The following SGCD variants were observed in gnomAD, a reference collection of about 807,000 sequenced individuals.
SGCD encodes sarcoglycan delta, also known as delta-sarcoglycan.
In SGCD, 18 loss-of-function variants were observed where a neutral mutation model predicts 36.6. The ratio of observed to expected loss-of-function variants is 0.49; its 90% CI spans 0.34 to 0.73. The LOEUF is 0.73. Ranked by LOEUF, SGCD falls within the 30% of genes least tolerant of loss-of-function variation. SGCD has a pLI of 0.01. For synonymous variants in SGCD, 133 were observed against 130.6 expected (o/e 1.02, Z -0.12); for missense variants, 387 against 346.7 (o/e 1.12, Z -0.92).
chr5:156,009,028 C>A lies in SGCD; in HGVS notation c.-281-108850C>A, dbSNP rs148092571. On this transcript the variant is annotated intron_variant, in intron 1 of 9. Coordinates refer to the SGCD transcript ENST00000517913. ...GGAATGGGGGCAGGTGTGAGACCAG[C>A]CTGAAATTCTCATGGTTATTTGATC... is the stretch of plus-strand genomic sequence containing the variant. 2.9e-3 allele frequency among the ~76,000 whole-genome samples: 439 copies of A among 152,168 alleles called. 3 individuals are homozygous for A. The highest frequency in any genetic ancestry group is 0.01 in the African/African-American group (423 of 41,510).
intron 3 of SGCD, among the ~76,000 whole-genome samples, chr5:156,231,101 G>A (rs773881942): frequency 1.2e-4 from 18 of 152,142 alleles, no homozygotes; most frequent in Non-Finnish European, 2.2e-4. Context: ...AATATGTGAC[G>A]CCACCATAAA....
chr5:156,512,946 T>C (rs942453411), intron 4 of SGCD, among the ~76,000 whole-genome samples: 14 of 151,990 alleles, frequency 9.2e-5, no homozygotes, highest in African/African-American at 3.4e-4. Flanking sequence ...TTTCCTGCAA[T>C]GGGGCTATGT....
At chr5:156,113,522 C>T (rs1761839856) in intron 1 of SGCD, among the ~76,000 whole-genome samples, 1 of 152,108 alleles carries the variant, frequency 6.6e-6, no homozygotes, top group Non-Finnish European at 1.5e-5. Flanking sequence ...GGATTAATAT[C>T]GTTTGTGTGT....
the SGCD span, among the ~76,000 whole-genome samples, chr5:155,733,754 G>A: frequency 6.6e-6 from 1 of 152,054 alleles, no homozygotes; most frequent in African/African-American, 2.4e-5. Context: ...CAGACAACTA[G>A]GGGTCAAGGC....
At chr5:156,689,703 G>A (rs1754040321) in intron 7 of SGCD, among the ~76,000 whole-genome samples, 1 of 152,124 alleles carries the variant, frequency 6.6e-6, no homozygotes, top group African/African-American at 2.4e-5. Flanking sequence ...GGTCATCAGG[G>A]CTGTTCTGAC....
At chr5:155,765,889 A>G in the SGCD span, among the ~76,000 whole-genome samples, 4 of 152,090 alleles carry the variant, frequency 2.6e-5, no homozygotes, top group African/African-American at 9.7e-5. Flanking sequence ...ACACCTGAGA[A>G]CACTCAAGCA....
chr5:155,997,741 A>G (rs1227367075), intron 1 of SGCD, among the ~76,000 whole-genome samples: 1 of 152,242 alleles, frequency 6.6e-6, no homozygotes, highest in Non-Finnish European at 1.5e-5. Context: ...TTTTAATCTC[A>G]GAAGATGTTT....
intron 1 of SGCD, among the ~76,000 whole-genome samples, chr5:155,878,305 CTCTT>C (rs1755808106): frequency 1.3e-5 from 2 of 152,084 alleles, no homozygotes; most frequent in African/African-American, 4.8e-5. Flanking sequence ...AGGCTTAACT[CTCTT>C]TCCATTTTTC....
At chr5:156,566,117 A>G (rs1025102017) in intron 4 of SGCD, among the ~76,000 whole-genome samples, 29 of 152,362 alleles carry the variant, frequency 1.9e-4, no homozygotes, top group African/African-American at 7.0e-4. Context: ...ACTGGTCATT[A>G]GAGAAATGCA....
chr5:155,840,251 T>A, the SGCD span, among the ~76,000 whole-genome samples: 1 of 151,300 alleles, frequency 6.6e-6, no homozygotes, highest in Admixed American at 6.6e-5. Flanking sequence ...GCCTTTTTTT[T>A]TTTTTCTTTT....
the SGCD span, among the ~76,000 whole-genome samples, chr5:155,754,342 G>A: frequency 6.6e-6 from 1 of 152,316 alleles, no homozygotes; most frequent in African/African-American, 2.4e-5. Flanking sequence ...ATAATTAAGA[G>A]TGAGTTTGAC....
chr5:156,588,079 A>G (rs1204016613), intron 4 of SGCD, among the ~76,000 whole-genome samples: 1 of 151,912 alleles, frequency 6.6e-6, no homozygotes, highest in Non-Finnish European at 1.5e-5. Context: ...AGGAATGGCT[A>G]CCAGATTCCT....
chr5:156,345,260 A>T (rs1407686519), intron 3 of SGCD, among the ~76,000 whole-genome samples: 3 of 151,546 alleles, frequency 2.0e-5, no homozygotes. Flanking sequence ...TTAAGAATTG[A>T]TGTTTATGTT....
At chr5:156,427,582 A>T (rs1773731207) in intron 3 of SGCD, among the ~76,000 whole-genome samples, 1 of 151,962 alleles carries the variant, frequency 6.6e-6, no homozygotes, top group African/African-American at 2.4e-5. Flanking sequence ...TGAAGAATGG[A>T]AGTGGGGAAT....
chr5:156,096,265 C>T (rs1421443054), intron 1 of SGCD, among the ~76,000 whole-genome samples: 2 of 152,168 alleles, frequency 1.3e-5, no homozygotes, highest in Non-Finnish European at 2.9e-5. Flanking sequence ...CCCATATGGG[C>T]CACCAAACAT....
At chr5:156,710,295 T>G (rs570340769) in intron 7 of SGCD, among the ~76,000 whole-genome samples, 57 of 152,314 alleles carry the variant, frequency 3.7e-4, no homozygotes, top group South Asian at 1.0e-3. Context: ...AAAATGTGCC[T>G]CTTTGAGAAA....
chr5:156,150,085 G>A (rs59728202), intron 3 of SGCD, among the ~76,000 whole-genome samples: 10,335 of 152,198 alleles, frequency 0.068, 581 homozygotes, highest in African/African-American at 0.16. Context: ...CCAGAAGTGT[G>A]CTGTTAGAAT....
intron 3 of SGCD, among the ~76,000 whole-genome samples, chr5:156,354,259 G>T (rs1281174856): frequency 6.6e-6 from 1 of 152,282 alleles, no homozygotes; most frequent in Admixed American, 6.5e-5. Context: ...CTTTTGTGTG[G>T]TGGTGGAAGC....
At chr5:155,841,246 C>A in the SGCD span, among the ~76,000 whole-genome samples, 425 of 152,076 alleles carry the variant, frequency 2.8e-3, 2 homozygotes, top group Non-Finnish European at 4.3e-3. Flanking sequence ...AATGAAGACC[C>A]AAAGGTACAG....
Sources: gnomAD v4.1 joint callset for allele counts (sites outside exome capture counted in the v4.1 genomes callset) on GRCh38, gnomAD v4.1.1 for gene constraint, MANE v1.5 for transcripts, NCBI Gene and HGNC (gene_info 2026-07-23, HGNC 2026-07-21) for gene names.